The following EXOC4 variants were observed in gnomAD, a reference collection of about 807,000 sequenced individuals.
EXOC4 encodes SEC8-like 1.
In EXOC4, 71 loss-of-function variants were observed where a neutral mutation model predicts 107.2. The observed-to-expected ratio is 0.66, with a 90% CI of 0.55 to 0.81. EXOC4 has a LOEUF of 0.81. EXOC4 is among the 30% of genes least tolerant of loss of function. The probability of loss-of-function intolerance (pLI) is 0.00; values close to 1 mark genes in which losing one functional copy is unlikely to be tolerated. For missense variants in EXOC4, 1,108 were observed against 1,189.6 expected (o/e 0.93, Z 1.01); for synonymous variants, 456 against 441.2 (o/e 1.03, Z -0.42).
chr7:133,334,011 G>A (rs948477075), intron 5 of EXOC4, among the ~76,000 whole-genome samples: 1 of 152,098 alleles, frequency 6.6e-6, no homozygotes, highest in Non-Finnish European at 1.5e-5. Context: ...AGTTACTTAG[G>A]TTAGTTCTTT....
chr7:134,004,025 C>T (rs1794587036), intron 15 of EXOC4, among the ~76,000 whole-genome samples: 1 of 152,122 alleles, frequency 6.6e-6, no homozygotes, highest in Non-Finnish European at 1.5e-5. Flanking sequence ...TGTCAGGACC[C>T]TTTCCTGATA....
chr7:133,644,872 C>G (rs971530844), intron 10 of EXOC4, among the ~76,000 whole-genome samples: 1 of 152,114 alleles, frequency 6.6e-6, no homozygotes, highest in Non-Finnish European at 1.5e-5. Flanking sequence ...GTAGAACTCT[C>G]TTTTAAGCAT....
At chr7:133,713,094 T>C (rs1794928181) in intron 10 of EXOC4, among the ~76,000 whole-genome samples, 1 of 152,236 alleles carries the variant, frequency 6.6e-6, no homozygotes. Flanking sequence ...TTAATATGGC[T>C]AATTTTGTAT....
chr7:134,021,612 A>G (rs1231443736), intron 17 of EXOC4, among the ~76,000 whole-genome samples: 1 of 151,714 alleles, frequency 6.6e-6, no homozygotes, highest in Non-Finnish European at 1.5e-5. Flanking sequence ...TTAACAATAT[A>G]GGCTTCAGTT....
Position 133,418,331 on chromosome 7 carries a change from T to G in EXOC4, c.1182+43329T>G, listed in dbSNP as rs141468479. ...AATGGCAAAGTGGCTTCATTCATAA[T>G]GTTGGCCAGTTAGCTCTTTTTGCTT... On this transcript the variant is annotated intron_variant, in intron 7 of 17. Transcript: ENST00000253861. Among the ~76,000 whole-genome samples, 302 of 152,332 alleles carry G rather than the reference T, an allele frequency of 2.0e-3. 2 individuals carry two copies. Among genetic ancestry groups the G allele is most frequent in the Non-Finnish European group, 3.7e-3 (250 of 68,028 alleles).
chr7:134,063,415 A>C (rs2116637974), intron 17 of EXOC4, among the ~76,000 whole-genome samples: 1 of 152,270 alleles, frequency 6.6e-6, no homozygotes, highest in African/African-American at 2.4e-5. Flanking sequence ...CCGTGAAAAA[A>C]CAGTCTTGAA....
chr7:133,263,591 A>G (rs1348587929), intron 1 of EXOC4, among the ~76,000 whole-genome samples: 1 of 151,968 alleles, frequency 6.6e-6, no homozygotes, highest in African/African-American at 2.4e-5. Context: ...CATGTTGGCC[A>G]GGCTGGTCTC....
chr7:134,044,864 A>C (rs1330679737), intron 17 of EXOC4, among the ~76,000 whole-genome samples: 1 of 152,200 alleles, frequency 6.6e-6, no homozygotes, highest in African/African-American at 2.4e-5. Flanking sequence ...TTGTCTCCCC[A>C]AGCATTTTCT....
chr7:133,556,933 C>T (rs74614978), intron 9 of EXOC4, among the ~76,000 whole-genome samples: 1 of 152,086 alleles, frequency 6.6e-6, no homozygotes, highest in Non-Finnish European at 1.5e-5. Context: ...ATCCTTTCTG[C>T]GTCCCTCTGT....
intron 9 of EXOC4, among the ~76,000 whole-genome samples, chr7:133,536,421 C>T (rs1800270712): frequency 1.3e-5 from 2 of 152,104 alleles, no homozygotes; most frequent in South Asian, 4.1e-4. Flanking sequence ...TTACTTTGAC[C>T]ATGCTCTGAT....
At chr7:133,721,744 C>G (rs1329422513) in intron 10 of EXOC4, among the ~76,000 whole-genome samples, 1 of 152,124 alleles carries the variant, frequency 6.6e-6, no homozygotes, top group South Asian at 2.1e-4. Flanking sequence ...GTGTCATGAA[C>G]AGAGGCACAG....
intron 10 of EXOC4, among the ~76,000 whole-genome samples, chr7:133,633,868 G>A (rs919260802): frequency 6.6e-6 from 1 of 152,080 alleles, no homozygotes; most frequent in African/African-American, 2.4e-5. Flanking sequence ...CCTTTCAAGT[G>A]CGTAGGTCCT....
intron 11 of EXOC4, among the ~76,000 whole-genome samples, chr7:133,870,640 TAGAACAG>T (rs1359508416): frequency 6.6e-6 from 1 of 152,188 alleles, no homozygotes; most frequent in Non-Finnish European, 1.5e-5. Context: ...CAAATCTCAG[TAGAACAG>T]AGAAAGAAGA....
intron 5 of EXOC4, among the ~76,000 whole-genome samples, chr7:133,336,280 C>T (rs923103705): frequency 6.6e-6 from 1 of 152,030 alleles, no homozygotes; most frequent in African/African-American, 2.4e-5. Context: ...TGAGGCCTAC[C>T]CCCCTGTGTT....
At chr7:133,687,193 G>T (rs1276004772) in intron 10 of EXOC4, among the ~76,000 whole-genome samples, 2 of 152,008 alleles carry the variant, frequency 1.3e-5, no homozygotes, top group African/African-American at 2.4e-5. Context: ...CTCAAAAATG[G>T]GAGCTAAGCT....
In EXOC4 at chr7:133,395,943, G is replaced by A. The variant is rs2150724085; in HGVS notation, c.1182+20941G>A. Among the ~76,000 whole-genome samples, 2 of 151,852 alleles carry A rather than the reference G, an allele frequency of 1.3e-5. 1 individual carries two copies. Among genetic ancestry groups the A allele is most frequent in the Non-Finnish European group, 2.9e-5 (2 of 67,952 alleles). ...TTTTTTTTTAATTTGTTTTATGTTA[G>A]CCTTTTCTGATTCTACAGGAGAGGT... On this transcript the variant is annotated intron_variant, in intron 7 of 17. Coordinates refer to ENST00000253861, the MANE Select transcript of EXOC4 (RefSeq NM_021807.4).
chr7:133,339,048 A>C (rs1795597611), intron 5 of EXOC4, among the ~76,000 whole-genome samples: 1 of 152,092 alleles, frequency 6.6e-6, no homozygotes, highest in Admixed American at 6.5e-5. Flanking sequence ...CACTGTGCCC[A>C]GCCCATTATA....
At chr7:133,512,221 G>A (rs1799782680) in intron 9 of EXOC4, among the ~76,000 whole-genome samples, 2 of 152,142 alleles carry the variant, frequency 1.3e-5, no homozygotes, top group African/African-American at 2.4e-5. Context: ...CCTGAGGGCA[G>A]GAGTTCAAGA....
chr7:134,027,617 C>A (rs1248231764), intron 17 of EXOC4, among the ~76,000 whole-genome samples: 1 of 142,754 alleles, frequency 7.0e-6, no homozygotes, highest in Non-Finnish European at 1.5e-5. Flanking sequence ...GAGATCACGC[C>A]ACTGCACTCC....
Sources: gnomAD v4.1 joint callset for allele counts (sites outside exome capture counted in the v4.1 genomes callset) on GRCh38, gnomAD v4.1.1 for gene constraint, MANE v1.5 for transcripts, NCBI Gene and HGNC (gene_info 2026-07-23, HGNC 2026-07-21) for gene names.